AAK1: variants seen among roughly 807,000 people sequenced by gnomAD.
AAK1 encodes the protein AP2-associated protein kinase 1.
Under a neutral mutation model 116.0 loss-of-function variants are expected in AAK1, and 37 were observed. The observed-to-expected ratio is 0.32, with a 90% CI of 0.25 to 0.42. The LOEUF (loss-of-function observed/expected upper bound fraction) is 0.42. AAK1 is among the 10% of genes least tolerant of loss of function. AAK1 has a pLI of 1.00. For synonymous variants in AAK1, 458 were observed against 439.9 expected (o/e 1.04, Z -0.51); for missense variants, 919 against 1,170.6 (o/e 0.79, Z 3.14).
chr2:69,538,002 A>G (rs920088114), intron 5 of AAK1, among the ~76,000 whole-genome samples: 2 of 152,246 alleles, frequency 1.3e-5, no homozygotes, highest in African/African-American at 2.4e-5. Context: ...TGATGAAAAC[A>G]CAACCACAGA....
intron 2 of AAK1, among the ~76,000 whole-genome samples, chr2:69,618,778 A>T (rs1336104948): frequency 6.6e-6 from 1 of 151,722 alleles, no homozygotes. Context: ...TCTTCACGAC[A>T]CTGACCTTTG....
chr2:69,638,825 A>C (rs920822328), intron 2 of AAK1, among the ~76,000 whole-genome samples: 1 of 152,056 alleles, frequency 6.6e-6, no homozygotes, highest in East Asian at 1.9e-4. Context: ...TTACCATCTA[A>C]GGTATGTATG....
intron 2 of AAK1, among the ~76,000 whole-genome samples, chr2:69,584,961 T>C (rs1001942010): frequency 9.8e-5 from 15 of 152,328 alleles, no homozygotes; most frequent in African/African-American, 3.4e-4. Flanking sequence ...AATCTGTTTT[T>C]AGGGATCCTG....
Position 69,479,858 on chromosome 2 carries a change from C to T in AAK1, c.2570-797G>A, listed in dbSNP as rs113620565. Among the ~76,000 whole-genome samples, 123 of 152,216 alleles carry T rather than the reference C, an allele frequency of 8.1e-4. 1 individual carries two copies. Among genetic ancestry groups the T allele is most frequent in the African/African-American group, 2.7e-3 (114 of 41,550 alleles). On this transcript the variant is annotated intron_variant, in intron 19 of 21. Coordinates refer to ENST00000409085, the MANE Select transcript of AAK1 (RefSeq NM_014911.5). The stretch of plus-strand genomic sequence containing the variant: ...GCAACCTCTGCCTTCTGGGTTCAAG[C>T]GATTCTCCTGCCTCAGCCTCTTGAG...
In AAK1 at chr2:69,482,679, C is replaced by T. The variant is rs1428041213; in HGVS notation, c.2467+32G>A. The T allele has an allele frequency of 5.9e-5, 89 of 1,520,968 alleles. No individual in the cohort carries two copies. The Admixed American group carries it at 1.4e-3, about 24-fold the overall frequency. The allele number at this position is 1,520,968 out of a possible 1,614,324, so 94.2% of individuals were successfully genotyped here. A position where few individuals can be genotyped will look rare whatever the true frequency, so the allele number is the denominator to read the frequency against. ...TCTTGAAACAGGCACACATATCATG[C>T]ATGACTGAAGAAACAGAGATGATGA... On this transcript the variant is annotated intron_variant, in intron 18 of 21. Transcript: ENST00000409085.
chr2:69,620,815 C>T (rs1376114531), intron 2 of AAK1, among the ~76,000 whole-genome samples: 1 of 152,220 alleles, frequency 6.6e-6, no homozygotes, highest in Non-Finnish European at 1.5e-5. Context: ...CACTACTCTT[C>T]TGACTCTTGA....
intron 20 of AAK1, 128 bp from the exon 21 acceptor site, chr2:69,477,118 C>T: frequency 1.6e-5 from 9 of 558,688 alleles, no homozygotes; most frequent in Non-Finnish European, 2.4e-5. Flanking sequence ...AAGGATTTAT[C>T]TTTCTGAGTT....
chr2:69,492,632 C>T (rs1675573216), intron 17 of AAK1, among the ~76,000 whole-genome samples: 1 of 149,530 alleles, frequency 6.7e-6, no homozygotes, highest in Non-Finnish European at 1.5e-5. Context: ...AAGCAATTCT[C>T]CTGTCTCAGT....
chr2:69,516,049 T>C (rs1207300483), intron 12 of AAK1, among the ~76,000 whole-genome samples: 1 of 152,214 alleles, frequency 6.6e-6, no homozygotes, highest in African/African-American at 2.4e-5. Context: ...ACTCTGAAAC[T>C]ATGTAAATGT....
chr2:69,602,582 C>T (rs1252675571), intron 2 of AAK1, among the ~76,000 whole-genome samples: 1 of 151,984 alleles, frequency 6.6e-6, no homozygotes, highest in East Asian at 1.9e-4. Flanking sequence ...GTTTATGTAA[C>T]TGAAATTATT....
chr2:69,531,190 C>T lies in AAK1; in HGVS notation c.657-484G>A, dbSNP rs551841846. ...CTTCCTCTTTGCTCCTGGAATCAGG[C>T]TGAAATAACAGTTTTATCTCTTGCT... is the stretch of plus-strand genomic sequence containing the variant. On this transcript the variant is annotated intron_variant, in intron 6 of 21. Coordinates refer to ENST00000409085, the MANE Select transcript of AAK1 (RefSeq NM_014911.5). 2.0e-5 allele frequency among the ~76,000 whole-genome samples: 3 copies of T among 152,246 alleles called. No homozygotes were observed. The East Asian group carries it at 5.8e-4, about 29-fold the overall frequency.
At position 69,643,698 on chromosome 2, in the gene AAK1, C is replaced by T; in HGVS notation, c.-358G>A. On this transcript the variant is annotated 5_prime_UTR_variant, in exon 1 of 22. Coordinates refer to ENST00000409085, the MANE Select transcript of AAK1 (RefSeq NM_014911.5). ...GAGAGCCGGGGCCGCGCTCGGCTCC[C>T]GCCCGCCCGCCAGCTGATCCCGGGA... 8.2e-7 allele frequency: 1 copy of T among 1,217,642 alleles called. No homozygotes were observed. Among genetic ancestry groups the T allele is most frequent in the Non-Finnish European group, 1.0e-6 (1 of 979,038 alleles). 75.4% of individuals were successfully genotyped at this position (1,217,642 alleles called of 1,614,324 possible).
In AAK1 at chr2:69,475,282, G is replaced by T. The variant is rs751819965; in HGVS notation, c.*587C>A. 1 of 985,886 alleles carries T rather than the reference G, an allele frequency of 1.0e-6. No individual in the cohort carries two copies. The highest frequency in any genetic ancestry group is 1.2e-6 in the Non-Finnish European group (1 of 830,040). The allele number at this position is 985,886 out of a possible 1,614,324, so 61.1% of individuals were successfully genotyped here. ...GTCAAAGTTGGTTGGCTAGAGCTGGGCTCAATTTCTCTTCTCAAATATATA... is the reference window on the plus strand; with the variant it reads ...GTCAAAGTTGGTTGGCTAGAGCTGGTCTCAATTTCTCTTCTCAAATATATA... On this transcript the variant is annotated 3_prime_UTR_variant, in exon 22 of 22. Coordinates refer to ENST00000409085, the MANE Select transcript of AAK1 (RefSeq NM_014911.5).
rs1432960481 is a variant in AAK1 at position 69,466,263 on chromosome 2, G to A, written c.*9606C>T. On this transcript the variant is annotated 3_prime_UTR_variant, in exon 22 of 22. Transcript: ENST00000409085. ...AACGGCTCCTCCCAGCTTCCCCGGG[G>A]GGGGTCTGCAGCTCTCATCTTCTTC... is the stretch of plus-strand genomic sequence containing the variant. The A allele has an allele frequency of 3.9e-6, 5 of 1,289,734 alleles. No homozygotes were observed. Among genetic ancestry groups the A allele is most frequent in the South Asian group, 2.5e-5 (2 of 81,018 alleles). The allele number at this position is 1,289,734 out of a possible 1,614,324, so 79.9% of individuals were successfully genotyped here. A position where few individuals can be genotyped will look rare whatever the true frequency, so the allele number is the denominator to read the frequency against.
intron 2 of AAK1, among the ~76,000 whole-genome samples, chr2:69,583,324 T>G (rs1435205984): frequency 1.3e-5 from 2 of 152,200 alleles, no homozygotes; most frequent in African/African-American, 4.8e-5. Context: ...TGGAGTGTGG[T>G]GGTGAGCAGA....
intron 2 of AAK1, among the ~76,000 whole-genome samples, chr2:69,568,773 G>A (rs1362783788): frequency 1.3e-5 from 2 of 152,142 alleles, no homozygotes; most frequent in African/African-American, 2.4e-5. Context: ...GCAGGCTGAC[G>A]TTTTCTTAGC....
Position 69,465,290 on chromosome 2 carries a change from G to C in AAK1, c.*10579C>G. The C allele has an allele frequency of 1.2e-6, 1 of 816,156 alleles. No individual in the cohort carries two copies. Among genetic ancestry groups the C allele is most frequent in the Admixed American group, 3.8e-5 (1 of 26,332 alleles). The allele number at this position is 816,156 out of a possible 1,614,324, so 50.6% of individuals were successfully genotyped here. A position where few individuals can be genotyped will look rare whatever the true frequency, so the allele number is the denominator to read the frequency against. Reference sequence around the variant, plus strand: ...ACTGCAACTGAGTTTGTTGACTCAAGAAATTCTGCTCTGACGCAGGGAATT... The same window carrying C: ...ACTGCAACTGAGTTTGTTGACTCAACAAATTCTGCTCTGACGCAGGGAATT... On this transcript the variant is annotated 3_prime_UTR_variant, in exon 22 of 22. Transcript: ENST00000409085.
At chr2:69,563,933 C>T (rs1671754532) in intron 2 of AAK1, among the ~76,000 whole-genome samples, 1 of 152,148 alleles carries the variant, frequency 6.6e-6, no homozygotes, top group African/African-American at 2.4e-5. Context: ...GTGGCTCACG[C>T]CTGTAATCCC....
intron 2 of AAK1, among the ~76,000 whole-genome samples, chr2:69,588,492 C>T (rs1006148905): frequency 3.9e-5 from 6 of 152,178 alleles, no homozygotes; most frequent in African/African-American, 1.4e-4. Context: ...TCTGTTATAA[C>T]GGTTTGTTTC....
Sources: gnomAD v4.1 joint callset for allele counts (sites outside exome capture counted in the v4.1 genomes callset) on GRCh38, gnomAD v4.1.1 for gene constraint, MANE v1.5 for transcripts, NCBI Gene and HGNC (gene_info 2026-07-23, HGNC 2026-07-21) for gene names.